RILPL2: variants seen among roughly 807,000 people sequenced by gnomAD.
The protein encoded by RILPL2 is RILP-like protein 2.
In RILPL2, 19 loss-of-function variants were observed where a neutral mutation model predicts 22.2. The observed-to-expected ratio is 0.86, with a 90% CI of 0.60 to 1.25. The LOEUF (loss-of-function observed/expected upper bound fraction) is 1.25, where lower values mean the gene tolerates loss of function less well. RILPL2 is among the 50% of genes most tolerant of loss of function. RILPL2 has a pLI of 0.00. For missense variants in RILPL2, 243 were observed against 263.6 expected (o/e 0.92, Z 0.54); for synonymous variants, 123 against 111.6 (o/e 1.10, Z -0.64).
chr12:123,419,668 T>C (rs1054784796), intron 3 of RILPL2, among the ~76,000 whole-genome samples: 1 of 149,710 alleles, frequency 6.7e-6, no homozygotes, highest in South Asian at 2.1e-4. Context: ...TGCAGGGGTG[T>C]GATCTCAGCT....
At chr12:123,434,559 G>T (rs1287242851) in intron 1 of RILPL2, among the ~76,000 whole-genome samples, 3 of 151,754 alleles carry the variant, frequency 2.0e-5, no homozygotes, top group Non-Finnish European at 4.4e-5. Flanking sequence ...GAGTAGCTGG[G>T]ATTACAGGCA....
At chr12:123,431,344 T>C (rs1879642127) in intron 1 of RILPL2, among the ~76,000 whole-genome samples, 2 of 132,556 alleles carry the variant, frequency 1.5e-5, no homozygotes, top group African/African-American at 3.0e-5. Flanking sequence ...CAACCTACAA[T>C]AGGTAGATTC....
intron 1 of RILPL2, among the ~76,000 whole-genome samples, chr12:123,431,352 T>C (rs1879642239): frequency 7.6e-6 from 1 of 132,050 alleles, no homozygotes; most frequent in Admixed American, 1.0e-4. Flanking sequence ...AATAGGTAGA[T>C]TCAGAGGGAC....
intron 2 of RILPL2, among the ~76,000 whole-genome samples, chr12:123,424,480 C>T (rs1593490860): frequency 1.3e-5 from 2 of 152,082 alleles, no homozygotes; most frequent in East Asian, 1.9e-4. Flanking sequence ...TACAGGTGTG[C>T]ACCACCACGC....
chr12:123,427,944 C>T (rs898751938), intron 2 of RILPL2, among the ~76,000 whole-genome samples: 10 of 152,156 alleles, frequency 6.6e-5, no homozygotes, highest in African/African-American at 2.4e-4. Flanking sequence ...GGCTTCTCCA[C>T]AATATATAAC....
At chr12:123,414,038 C>G (rs1879048138), downstream of RILPL2, 1 of 153,776 alleles carries the variant, frequency 6.5e-6, no homozygotes, top group African/African-American at 2.4e-5. Context: ...ACTCAGGAGC[C>G]CAGCTGGCTT....
At chr12:123,433,600 C>G (rs914502209) in intron 1 of RILPL2, among the ~76,000 whole-genome samples, 5 of 151,918 alleles carry the variant, frequency 3.3e-5, no homozygotes, top group African/African-American at 1.2e-4. Context: ...TTAGTAGAGA[C>G]AGGGTTTCAC....
downstream of RILPL2, chr12:123,411,213 T>C (rs1878965960): frequency 6.6e-6 from 1 of 152,052 alleles, no homozygotes; most frequent in Admixed American, 6.6e-5. Context: ...CAGCTAATTT[T>C]TGTATTTTTA....
intron 3 of RILPL2, among the ~76,000 whole-genome samples, chr12:123,420,841 G>A (rs1158978138): frequency 6.6e-6 from 1 of 152,106 alleles, no homozygotes; most frequent in Non-Finnish European, 1.5e-5. Context: ...CAAGATTAGG[G>A]GCGAATGCAC....
intron 1 of RILPL2, among the ~76,000 whole-genome samples, chr12:123,432,518 G>GA (rs1489312430): frequency 1.3e-5 from 2 of 151,638 alleles, no homozygotes; most frequent in Admixed American, 1.3e-4. Flanking sequence ...AACATACAAA[G>GA]AAAAAAAACA....
chr12:123,430,518 A>G lies in RILPL2; in HGVS notation c.481T>C (p.Cys161Arg). The change falls in exon 2 of 4, where the codon TGC (cysteine) becomes CGC (arginine). Residue 161 changes from cysteine (C) to arginine (R), a missense_variant. By Grantham distance (180) the Cys-to-Arg change is radical. Transcript: ENST00000280571. ...QLLVVQEELQ[C>R]YKSGLIPPRE... is the part of the protein sequence containing the mutation. ...GGCAGTGGAGCCCACCTCTTGTAGC[A>G]CTGCAGCTCTTCCTGCACCACCAGG... 6.2e-7 allele frequency: 1 copy of G among 1,605,762 alleles called. No individual in the cohort carries two copies. Among genetic ancestry groups the G allele is most frequent in the Non-Finnish European group, 8.5e-7 (1 of 1,175,176 alleles).
intron 3 of RILPL2, among the ~76,000 whole-genome samples, chr12:123,420,872 G>A (rs1879264034): frequency 6.6e-6 from 1 of 152,070 alleles, no homozygotes; most frequent in Non-Finnish European, 1.5e-5. Flanking sequence ...AATAGATGCG[G>A]CTTCAGGTCT....
At chr12:123,430,362 T>A (rs1159133039) in intron 2 of RILPL2, 146 bp downstream of exon 2, 2 of 610,284 alleles carry the variant, frequency 3.3e-6, no homozygotes, top group Non-Finnish European at 4.9e-6. Context: ...TGAGCCGAGA[T>A]CGCGCCACTG....
the RILPL2 span, chr12:123,409,364 G>A: frequency 1.3e-5 from 2 of 149,158 alleles, no homozygotes; most frequent in Non-Finnish European, 1.5e-5. Context: ...GGCCACGTGT[G>A]TGTCTTTCTG....
intron 2 of RILPL2, among the ~76,000 whole-genome samples, chr12:123,428,462 G>C (rs1412086323): frequency 1.3e-5 from 2 of 152,138 alleles, no homozygotes; most frequent in Non-Finnish European, 2.9e-5. Context: ...ATGAGACAAA[G>C]GTCTTTCCAT....
At chr12:123,423,203 G>GGT in intron 2 of RILPL2, 46 bp from the exon 3 acceptor site, 2 of 826,302 alleles carry the variant, frequency 2.4e-6, no homozygotes, top group Non-Finnish European at 3.6e-6. Flanking sequence ...ATTACAGATC[G>GGT]TTTTTTTTTT....
rs1879333786 is a variant in RILPL2 at position 123,423,140 on chromosome 12, C to T, written c.509G>A (p.Arg170Lys). ...TTCTCTTCTTCCTCCTGGGCCTTCT[C>T]TTGGTGGAATCAGGCCACTGGGAAA... ...QCYKSGLIPP[R>K]EGPGGRREKD... The change falls in exon 3 of 4, where the codon AGA becomes AAA. Residue 170 changes from arginine (R) to lysine (K), a missense_variant. By Grantham distance (26) the Arg-to-Lys change is conservative. Coordinates refer to ENST00000280571, the MANE Select transcript of RILPL2 (RefSeq NM_145058.3). 2 of 1,610,940 alleles carry T rather than the reference C, an allele frequency of 1.2e-6. No individual in the cohort carries two copies. The highest frequency in any genetic ancestry group is 8.5e-7 in the Non-Finnish European group (1 of 1,178,834).
rs1237188189 is a variant in RILPL2, at chr12:123,419,074, G to A, written c.606-3153C>T. On this transcript the variant is annotated intron_variant, in intron 3 of 3. Coordinates refer to ENST00000280571, the MANE Select transcript of RILPL2 (RefSeq NM_145058.3). ...CACTCAGGCTGGAGTGCAGTGGCACGATCTCGGCTCACTGCAAGCTCTGCC... is the reference window on the plus strand; with the variant it reads ...CACTCAGGCTGGAGTGCAGTGGCACAATCTCGGCTCACTGCAAGCTCTGCC... Among the ~76,000 whole-genome samples, 5 of 149,676 alleles carry A rather than the reference G, an allele frequency of 3.3e-5. No homozygotes were observed. The South Asian group carries it at 6.3e-4, about 19-fold the overall frequency.
chr12:123,435,951 G>T, intron 1 of RILPL2, 131 bp downstream of exon 1: 1 of 1,300,452 alleles, frequency 7.7e-7, no homozygotes, highest in South Asian at 1.6e-5. Context: ...AACACAGCGA[G>T]ATCCCATCTC....
Sources: gnomAD v4.1 joint callset for allele counts (sites outside exome capture counted in the v4.1 genomes callset) on GRCh38, gnomAD v4.1.1 for gene constraint, MANE v1.5 for transcripts, NCBI Gene and HGNC (gene_info 2026-07-23, HGNC 2026-07-21) for gene names.